The following KSR2 variants were observed in gnomAD, a reference collection of about 807,000 sequenced individuals.
KSR2 encodes kinase suppressor of ras 2.
A neutral mutation model predicts 107.8 loss-of-function variants in KSR2; 25 were observed. That is an observed-to-expected ratio of 0.23 (90% CI 0.17 to 0.32). The LOEUF (loss-of-function observed/expected upper bound fraction) is 0.32, where lower values mean the gene tolerates loss of function less well. KSR2 is among the 10% of genes least tolerant of loss of function. The probability of loss-of-function intolerance (pLI) is 1.00; values close to 1 mark genes in which losing one functional copy is unlikely to be tolerated. For missense variants in KSR2, 887 were observed against 1,268.9 expected (o/e 0.70, Z 4.57); for synonymous variants, 480 against 507.0 (o/e 0.95, Z 0.71).
chr12:117,644,541 G>A (rs1009521475), intron 5 of KSR2, among the ~76,000 whole-genome samples: 1 of 152,224 alleles, frequency 6.6e-6, no homozygotes, highest in African/African-American at 2.4e-5. Flanking sequence ...GATGTCATTG[G>A]ACCAGAGTGC....
intron 10 of KSR2, among the ~76,000 whole-genome samples, chr12:117,535,649 T>TGTGTGTGTG (rs1565888922): frequency 4.9e-5 from 7 of 142,758 alleles, no homozygotes; most frequent in African/African-American, 1.5e-4. Context: ...TGTGTGTGTG[T>TGTGTGTGTG]TTCAAGATGG....
intron 5 of KSR2, among the ~76,000 whole-genome samples, chr12:117,589,001 G>A (rs1880166185): frequency 6.6e-6 from 1 of 152,228 alleles, no homozygotes; most frequent in Non-Finnish European, 1.5e-5. Flanking sequence ...ATAGTTTACA[G>A]ATAAGGAAAG....
chr12:117,864,982 C>A, intron 1 of KSR2, among the ~76,000 whole-genome samples: 1 of 152,094 alleles, frequency 6.6e-6, no homozygotes. Context: ...CCCTGACCAC[C>A]CCCGTCTGAC....
At chr12:117,729,902 C>G (rs1887589619) in intron 4 of KSR2, among the ~76,000 whole-genome samples, 1 of 152,202 alleles carries the variant, frequency 6.6e-6, no homozygotes, top group Non-Finnish European at 1.5e-5. Context: ...AATATAGAGG[C>G]AGCGTAGCAC....
intron 2 of KSR2, among the ~76,000 whole-genome samples, chr12:117,859,469 T>C (rs1212766067): frequency 6.7e-6 from 1 of 150,190 alleles, no homozygotes; most frequent in Admixed American, 6.6e-5. Context: ...TTATTTTTTT[T>C]TTTTTGAGAC....
chr12:117,747,371 G>A (rs191456166), intron 4 of KSR2, among the ~76,000 whole-genome samples: 124 of 151,760 alleles, frequency 8.2e-4, no homozygotes, highest in African/African-American at 2.9e-3. Flanking sequence ...CTCATACGTG[G>A]GAGTTGAACA....
intron 1 of KSR2, among the ~76,000 whole-genome samples, chr12:117,894,413 C>A (rs1454983159): frequency 6.6e-6 from 1 of 151,988 alleles, no homozygotes; most frequent in African/African-American, 2.4e-5. Flanking sequence ...CCCTGTCATC[C>A]CAACACTTTG....
At position 117,951,098 on chromosome 12, in the gene KSR2, C is replaced by T. The variant is rs565907755; in HGVS notation, c.180+16978G>A. On this transcript the variant is annotated intron_variant, in intron 1 of 19. Transcript: ENST00000339824. ...AATTTTTTTGTATTTTTAGTAGAGACGGGATTTCACTGTGTTAGCCAGGAT... is the reference window on the plus strand; with the variant it reads ...AATTTTTTTGTATTTTTAGTAGAGATGGGATTTCACTGTGTTAGCCAGGAT... Among the ~76,000 whole-genome samples, 356 of 151,998 alleles carry T rather than the reference C, an allele frequency of 2.3e-3. 1 individual carries two copies. The highest frequency in any genetic ancestry group is 7.8e-3 in the African/African-American group (324 of 41,480).
At chr12:117,668,284 C>T (rs962382669) in intron 4 of KSR2, among the ~76,000 whole-genome samples, 13 of 152,164 alleles carry the variant, frequency 8.5e-5, no homozygotes, top group African/African-American at 2.2e-4. Flanking sequence ...CTTCTGGTGC[C>T]GGGCTCCTCC....
At chr12:117,950,666 G>A (rs570577487) in intron 1 of KSR2, among the ~76,000 whole-genome samples, 125 of 150,912 alleles carry the variant, frequency 8.3e-4, no homozygotes, top group African/African-American at 3.0e-3. Flanking sequence ...ACTTGAGCCC[G>A]GGAGGTGGAG....
intron 4 of KSR2, among the ~76,000 whole-genome samples, chr12:117,748,515 CACAATGT>C (rs1888495199): frequency 6.6e-6 from 1 of 152,038 alleles, no homozygotes; most frequent in Non-Finnish European, 1.5e-5. Flanking sequence ...TAAATAATTC[CACAATGT>C]ATACATATAT....
At chr12:117,948,302 A>G (rs1896259906) in intron 1 of KSR2, among the ~76,000 whole-genome samples, 1 of 152,100 alleles carries the variant, frequency 6.6e-6, no homozygotes, top group Non-Finnish European at 1.5e-5. Flanking sequence ...AGCCTGGCCA[A>G]CATAGTGAAA....
In KSR2 at chr12:117,766,299, G is replaced by T. The variant is rs180673349; in HGVS notation, c.473-4775C>A. 3.9e-5 allele frequency among the ~76,000 whole-genome samples: 6 copies of T among 152,304 alleles called. No homozygotes were observed. The East Asian group carries it at 9.6e-4, about 24-fold the overall frequency. On this transcript the variant is annotated intron_variant, in intron 3 of 19. Coordinates refer to ENST00000339824, the MANE Select transcript of KSR2 (RefSeq NM_173598.6). ...AAGTAAAAGAAGTCAGACACAAAGG[G>T]TCATATATCATATGATTCCATTTAT...
intron 1 of KSR2, among the ~76,000 whole-genome samples, chr12:117,914,046 G>T (rs1430645674): frequency 6.6e-6 from 1 of 152,174 alleles, no homozygotes; most frequent in Non-Finnish European, 1.5e-5. Flanking sequence ...TATGGAAACA[G>T]TATACCTACC....
At chr12:117,836,474 T>C (rs1320798593) in intron 3 of KSR2, among the ~76,000 whole-genome samples, 2 of 152,050 alleles carry the variant, frequency 1.3e-5, no homozygotes, top group African/African-American at 4.8e-5. Context: ...GATGGAGAGG[T>C]TGTCCCAGAC....
intron 5 of KSR2, among the ~76,000 whole-genome samples, chr12:117,594,540 C>T (rs757737820): frequency 2.0e-5 from 3 of 148,240 alleles, no homozygotes; most frequent in Admixed American, 6.6e-5. Context: ...CCTGCTGAGG[C>T]GACAGGGTTG....
rs187701483 is a variant in KSR2, at chr12:117,842,792, C to T, written c.472+12636G>A. On this transcript the variant is annotated intron_variant, in intron 3 of 19. Transcript: ENST00000339824. The surrounding 1 kb of genome is among the most constrained non-coding windows in gnomAD (Gnocchi z 4.2). ...GCAAGACAGAGGGGGCAGGGGTGGC[C>T]TGCAAGAAAGAGAAAGTGGGCTGCA... 1.4e-4 allele frequency among the ~76,000 whole-genome samples: 21 copies of T among 152,202 alleles called. No individual in the cohort carries two copies. In the East Asian group the frequency reaches 3.7e-3, roughly 27 times the overall value.
In KSR2 at chr12:117,742,545, T is replaced by C. The variant is rs143990337; in HGVS notation, c.986+18466A>G. 4.0e-3 allele frequency among the ~76,000 whole-genome samples: 601 copies of C among 150,706 alleles called. 2 individuals carry two copies. The highest frequency in any genetic ancestry group is 5.6e-3 in the Non-Finnish European group (378 of 67,770). ...ATGGATGGATGGGTGGATGGATGGA[T>C]GGATGGATGAATGGGCAGAGAGATG... On this transcript the variant is annotated intron_variant, in intron 4 of 19. Coordinates refer to ENST00000339824, the MANE Select transcript of KSR2 (RefSeq NM_173598.6).
At chr12:117,708,883 A>G (rs995135695) in intron 4 of KSR2, among the ~76,000 whole-genome samples, 14 of 152,144 alleles carry the variant, frequency 9.2e-5, no homozygotes, top group Non-Finnish European at 2.1e-4. Context: ...AAAACCACAC[A>G]TATTTATGAC....
Sources: gnomAD v4.1 joint callset for allele counts (sites outside exome capture counted in the v4.1 genomes callset) on GRCh38, gnomAD v4.1.1 for gene constraint, Gnocchi (gnomAD v3.1) non-coding constraint, MANE v1.5 for transcripts, NCBI Gene and HGNC (gene_info 2026-07-23, HGNC 2026-07-21) for gene names.